IFNLR1: variants seen among roughly 807,000 people sequenced by gnomAD.
IFNLR1 encodes CRF2-12.
In IFNLR1, 28 loss-of-function variants were observed where a neutral mutation model predicts 52.5. The observed-to-expected ratio is 0.53, with a 90% CI of 0.40 to 0.73. The LOEUF (loss-of-function observed/expected upper bound fraction) is 0.73. Ranked by LOEUF, IFNLR1 falls within the 30% of genes least tolerant of loss-of-function variation. IFNLR1 has a pLI of 0.00. For missense variants in IFNLR1, 623 were observed against 659.1 expected (o/e 0.95, Z 0.60); for synonymous variants, 276 against 274.9 (o/e 1.00, Z -0.04).
Position 24,169,565 on chromosome 1 carries a change from C to G in IFNLR1, c.219G>C (p.Glu73Asp). 2 of 1,614,106 alleles carry G rather than the reference C, an allele frequency of 1.2e-6. No individual in the cohort carries two copies. Among genetic ancestry groups the G allele is most frequent in the Non-Finnish European group, 1.7e-6 (2 of 1,179,988 alleles). ...ATAGCAGCTCCTTGGTTCCCGCACA[C>G]TCTTCCACTTCGCGCCACCGTCTAC... The part of the protein sequence containing the change: ...PTRRRWREVE[E>D]CAGTKELLCS... Residue 73 changes from glutamate to aspartate, a missense_variant, in exon 3 of 7, where the codon GAG (glutamate) becomes GAC (aspartate). Glu to Asp is a conservative substitution (Grantham distance 45). Coordinates refer to ENST00000327535, the MANE Select transcript of IFNLR1 (RefSeq NM_170743.4).
At chr1:24,169,319 G>A (rs771818159) in intron 3 of IFNLR1, 98 bp downstream of exon 3, 1 of 1,175,334 alleles carries the variant, frequency 8.5e-7, no homozygotes, top group Non-Finnish European at 1.2e-6. Context: ...TGGGGAAGTG[G>A]GAGACAGATG....
rs1193418424 is a variant in IFNLR1 at position 24,157,022 on chromosome 1, C to T, written c.*108G>A. On this transcript the variant is annotated 3_prime_UTR_variant, in exon 7 of 7. Transcript: ENST00000327535. This position sits in a 1 kb window ranked among gnomAD's most constrained non-coding sequence, Gnocchi z 5.1. Reference sequence around the variant, plus strand: ...GTGGACTTCCCGGAAGTGCAATGCCCCTCCGCCGCCCAGGGGAGGTACGGA... The same window carrying T: ...GTGGACTTCCCGGAAGTGCAATGCCTCTCCGCCGCCCAGGGGAGGTACGGA... 3 of 1,335,340 alleles carry T rather than the reference C, an allele frequency of 2.2e-6. No individual in the cohort carries two copies. Among genetic ancestry groups the T allele is most frequent in the African/African-American group, 2.9e-5 (2 of 67,976 alleles). The allele number at this position is 1,335,340 out of a possible 1,614,324, so 82.7% of individuals were successfully genotyped here. A position where few individuals can be genotyped will look rare whatever the true frequency, so the allele number is the denominator to read the frequency against.
intron 1 of IFNLR1, among the ~76,000 whole-genome samples, chr1:24,181,086 C>A (rs1644686247): frequency 6.6e-6 from 1 of 152,172 alleles, no homozygotes. Context: ...CACCATGGAA[C>A]AGGAACCTAA....
Position 24,159,036 on chromosome 1 carries a change from C to T in IFNLR1, c.801+16G>A. On this transcript the variant is annotated intron_variant, in intron 6 of 6. Coordinates refer to ENST00000327535, the MANE Select transcript of IFNLR1 (RefSeq NM_170743.4). The stretch of plus-strand genomic sequence containing the variant: ...AACCCCTCCCCACCTGCTGCACACC[C>T]CCAGATTTGCTATACCAGGGCCCGT... 1 of 1,613,016 alleles carries T rather than the reference C, an allele frequency of 6.2e-7. No individual in the cohort carries two copies. Among genetic ancestry groups the T allele is most frequent in the South Asian group, 1.1e-5 (1 of 90,974 alleles).
intron 3 of IFNLR1, among the ~76,000 whole-genome samples, chr1:24,164,848 C>T (rs191924672): frequency 3.3e-5 from 5 of 151,762 alleles, no homozygotes; most frequent in East Asian, 1.9e-4. Context: ...CTGCAACCTC[C>T]GCCTCTTGGG....
In IFNLR1 at chr1:24,162,786, CTTTT is replaced by C. The variant is rs1251743381; in HGVS notation, c.368-1106_368-1103del. Among the ~76,000 whole-genome samples, 52 of 61,642 alleles carry C rather than the reference CTTTT, an allele frequency of 8.4e-4. 3 individuals are homozygous for C. In the East Asian group the frequency reaches 8.8e-3, roughly 10 times the overall value. 40.4% of individuals were successfully genotyped at this position (61,642 alleles called of 152,430 possible). A position where few individuals can be genotyped will look rare whatever the true frequency, so the allele number is the denominator to read the frequency against. On this transcript the variant is annotated intron_variant, in intron 3 of 6. Coordinates refer to ENST00000327535, the MANE Select transcript of IFNLR1 (RefSeq NM_170743.4). ...TTTCTTTCTTTCTTTCTTTTTCTTT[CTTTT>C]TCTTTCTTTCTTTTTTCTTTCTTTT...
intron 2 of IFNLR1, among the ~76,000 whole-genome samples, chr1:24,173,905 C>T (rs1644606775): frequency 6.6e-6 from 1 of 152,078 alleles, no homozygotes. Flanking sequence ...AAAACATATC[C>T]ACACAAAGAC....
chr1:24,178,445 C>CCATTTAGGTTT (rs1644656792), intron 2 of IFNLR1, among the ~76,000 whole-genome samples: 2 of 152,088 alleles, frequency 1.3e-5, no homozygotes, highest in Admixed American at 1.3e-4. Flanking sequence ...TGGCTGACTG[C>CCATTTAGGTTT]AGGTTTTAGG....
rs1644364194 is a variant in IFNLR1 at position 24,154,935 on chromosome 1, G to A, written c.*2195C>T. 3 of 152,184 alleles carry A rather than the reference G, an allele frequency of 2.0e-5. No homozygotes were observed. The South Asian group carries it at 6.2e-4, about 32-fold the overall frequency. The allele number at this position is 152,184 out of a possible 1,614,324, so 9.4% of individuals were successfully genotyped here. A position where few individuals can be genotyped will look rare whatever the true frequency, so the allele number is the denominator to read the frequency against. ...AAACAAAACAAAACAAAAATGGTAA[G>A]GTTTAAGAATAGAAACGGAGTGGTT... On this transcript the variant is annotated 3_prime_UTR_variant, in exon 7 of 7. Coordinates refer to ENST00000327535, the MANE Select transcript of IFNLR1 (RefSeq NM_170743.4).
intron 2 of IFNLR1, among the ~76,000 whole-genome samples, chr1:24,178,601 A>G (rs1644658130): frequency 6.6e-6 from 1 of 152,186 alleles, no homozygotes. Flanking sequence ...CCCACTGGAC[A>G]GAGATGAGGC....
chr1:24,172,691 C>G (rs182506637), intron 2 of IFNLR1, among the ~76,000 whole-genome samples: 1 of 152,082 alleles, frequency 6.6e-6, no homozygotes, highest in African/African-American at 2.4e-5. Flanking sequence ...ACACCAAAAG[C>G]GTTAACTGTT....
intron 1 of IFNLR1, among the ~76,000 whole-genome samples, chr1:24,186,141 G>C (rs930992158): frequency 6.6e-6 from 1 of 152,032 alleles, no homozygotes; most frequent in Non-Finnish European, 1.5e-5. Context: ...ACAGGTACAC[G>C]GTCCCTCATC....
chr1:24,167,145 G>A (rs966569751), intron 3 of IFNLR1, among the ~76,000 whole-genome samples: 6 of 152,310 alleles, frequency 3.9e-5, no homozygotes, highest in Admixed American at 3.3e-4. Context: ...GTCCTTGGAC[G>A]TTGGAGCTTC....
At chr1:24,172,093 C>T (rs1644587027) in intron 2 of IFNLR1, among the ~76,000 whole-genome samples, 1 of 152,148 alleles carries the variant, frequency 6.6e-6, no homozygotes, top group Non-Finnish European at 1.5e-5. Flanking sequence ...ATGTGAGTCA[C>T]CACACCTGGC....
intron 3 of IFNLR1, 69 bp downstream of exon 3, chr1:24,169,348 C>T (rs1644553703): frequency 7.0e-7 from 1 of 1,423,778 alleles, no homozygotes; most frequent in African/African-American, 1.4e-5. Flanking sequence ...AACAGAACCA[C>T]TGAGCACTGA....
intron 3 of IFNLR1, among the ~76,000 whole-genome samples, chr1:24,162,740 CTT>C (rs71029517): frequency 6.0e-5 from 2 of 33,426 alleles, no homozygotes; most frequent in East Asian, 4.5e-3. Flanking sequence ...TTCTTTCTTT[CTT>C]TCTTTCTTTC....
At chr1:24,166,443 C>T (rs1644520862) in intron 3 of IFNLR1, among the ~76,000 whole-genome samples, 8 of 152,242 alleles carry the variant, frequency 5.3e-5, no homozygotes, top group Admixed American at 4.6e-4. Context: ...TTCTCCTTCG[C>T]TCCAGCCCTT....
intron 1 of IFNLR1, among the ~76,000 whole-genome samples, chr1:24,182,458 T>C (rs762313356): frequency 1.4e-4 from 21 of 152,196 alleles, no homozygotes; most frequent in Admixed American, 6.6e-5. Context: ...ACATTTCAGA[T>C]TTGTGAATGC....
intron 3 of IFNLR1, among the ~76,000 whole-genome samples, chr1:24,162,219 C>T (rs902953243): frequency 5.3e-5 from 8 of 152,168 alleles, no homozygotes; most frequent in African/African-American, 1.9e-4. Context: ...TTCTTTGTGG[C>T]TGTAGGGCTG....
Sources: gnomAD v4.1 joint callset for allele counts (sites outside exome capture counted in the v4.1 genomes callset) on GRCh38, gnomAD v4.1.1 for gene constraint, Gnocchi (gnomAD v3.1) non-coding constraint, MANE v1.5 for transcripts, NCBI Gene and HGNC (gene_info 2026-07-23, HGNC 2026-07-21) for gene names.